Variants in MMS22L observed in about 807,000 individuals in gnomAD.
MMS22L encodes protein MMS22-like.
Under a neutral mutation model 159.1 loss-of-function variants are expected in MMS22L, and 74 were observed. The observed-to-expected ratio is 0.47, with a 90% CI of 0.39 to 0.56. MMS22L has a LOEUF of 0.56. Ranked by LOEUF, MMS22L falls within the 20% of genes least tolerant of loss-of-function variation. MMS22L has a pLI of 0.00. For synonymous variants in MMS22L, 517 were observed against 506.9 expected (o/e 1.02, Z -0.27); for missense variants, 1,351 against 1,422.1 (o/e 0.95, Z 0.80).
chr6:97,161,843 T>C (rs935697338), intron 22 of MMS22L, among the ~76,000 whole-genome samples, 159 bp downstream of exon 22: 3 of 151,956 alleles, frequency 2.0e-5, no homozygotes, highest in Non-Finnish European at 2.9e-5. Context: ...TCATACCTAA[T>C]CTGAGCTGCT....
At chr6:97,152,612 TAAA>T (rs1478397772) in intron 22 of MMS22L, among the ~76,000 whole-genome samples, 1 of 152,240 alleles carries the variant, frequency 6.6e-6, no homozygotes, top group Admixed American at 6.5e-5. Flanking sequence ...ACTGTAACCC[TAAA>T]TTATAGCAGG....
At chr6:97,186,863 T>C (rs1805298259) in intron 14 of MMS22L, among the ~76,000 whole-genome samples, 173 bp from the exon 15 acceptor site, 1 of 152,200 alleles carries the variant, frequency 6.6e-6, no homozygotes, top group South Asian at 2.1e-4. Context: ...AATGATGGCA[T>C]ATTAAGCATC....
chr6:97,234,722 G>A (rs1263361947), intron 11 of MMS22L, among the ~76,000 whole-genome samples: 1 of 152,190 alleles, frequency 6.6e-6, no homozygotes, highest in African/African-American at 2.4e-5. Context: ...AGTAACTGCT[G>A]TGAAAATGAA....
At chr6:97,232,816 C>T (rs896307224) in intron 12 of MMS22L, among the ~76,000 whole-genome samples, 7 of 152,042 alleles carry the variant, frequency 4.6e-5, no homozygotes, top group African/African-American at 1.7e-4. Flanking sequence ...GTAAATCTTC[C>T]ATTACCATTT....
At chr6:97,165,636 G>GCAAT (rs1802891493) in intron 20 of MMS22L, among the ~76,000 whole-genome samples, 179 bp from the exon 21 acceptor site, 1 of 152,062 alleles carries the variant, frequency 6.6e-6, no homozygotes, top group Admixed American at 6.6e-5. Context: ...TTAAGCCTGG[G>GCAAT]CAATACATAT....
chr6:97,180,763 C>T (rs558993590), intron 16 of MMS22L, among the ~76,000 whole-genome samples: 41 of 152,202 alleles, frequency 2.7e-4, no homozygotes, highest in Admixed American at 2.7e-3. Flanking sequence ...TTAAAGAATT[C>T]CCAAACTGGA....
chr6:97,243,759 A>C (rs1317707018), intron 11 of MMS22L, among the ~76,000 whole-genome samples: 1 of 152,090 alleles, frequency 6.6e-6, no homozygotes, highest in African/African-American at 2.4e-5. Context: ...GTTCTTTTGT[A>C]CTGCAGGGTG....
intron 14 of MMS22L, among the ~76,000 whole-genome samples, chr6:97,197,080 C>A (rs189552257): frequency 1.3e-5 from 2 of 152,036 alleles, no homozygotes; most frequent in African/African-American, 2.4e-5. Flanking sequence ...AAAATTTTCA[C>A]GCTGGATGTT....
Position 97,272,881 on chromosome 6 carries a change from C to T in MMS22L, c.429G>A (p.Arg143=), listed in dbSNP as rs747831196. Reference sequence around the variant, plus strand: ...TCTCAGCATTCTGTACTTTCAGATACCTAAAAAATAATTAGATAAAATAAA... The same window carrying T: ...TCTCAGCATTCTGTACTTTCAGATATCTAAAAAATAATTAGATAAAATAAA... The part of the protein sequence containing the change: ...FLHYVKVFIF[R]YLKVQNAESH... The change falls in exon 6 of 25, where the codon AGG becomes AGA. Residue 143 remains arginine (R), a splice_region_variant and synonymous_variant. Transcript: ENST00000683635. 2 of 1,608,942 alleles carry T rather than the reference C, an allele frequency of 1.2e-6. No individual in the cohort carries two copies. The highest frequency in any genetic ancestry group is 8.5e-7 in the Non-Finnish European group (1 of 1,178,744).
chr6:97,212,222 T>G (rs906944052), intron 14 of MMS22L, among the ~76,000 whole-genome samples: 1 of 152,226 alleles, frequency 6.6e-6, no homozygotes, highest in Non-Finnish European at 1.5e-5. Context: ...TGGCAGGTAC[T>G]TGATGGGCAC....
At chr6:97,217,930 A>C (rs1403934717) in intron 14 of MMS22L, among the ~76,000 whole-genome samples, 1 of 151,820 alleles carries the variant, frequency 6.6e-6, no homozygotes, top group Non-Finnish European at 1.5e-5. Context: ...CCTTCCTTCC[A>C]CTCTAATCCC....
At chr6:97,160,604 A>G (rs1175598147) in intron 22 of MMS22L, among the ~76,000 whole-genome samples, 1 of 151,972 alleles carries the variant, frequency 6.6e-6, no homozygotes, top group African/African-American at 2.4e-5. Context: ...CATTTACCTT[A>G]CCTGGAGTTA....
Position 97,270,001 on chromosome 6 carries a change from G to T in MMS22L, c.607-9C>A. 6.2e-7 allele frequency: 1 copy of T among 1,601,266 alleles called. No homozygotes were observed. The highest frequency in any genetic ancestry group is 1.1e-5 in the South Asian group (1 of 89,934). On this transcript the variant is annotated splice_polypyrimidine_tract_variant and intron_variant, in intron 6 of 24. Coordinates refer to ENST00000683635, the MANE Select transcript of MMS22L (RefSeq NM_001350599.2). Reference sequence around the variant, plus strand: ...CATGACGGTGGAAAAAGCTGTGGATGACATTATCAACTGTGATTGAGAATT... The same window carrying T: ...CATGACGGTGGAAAAAGCTGTGGATTACATTATCAACTGTGATTGAGAATT...
intron 14 of MMS22L, among the ~76,000 whole-genome samples, chr6:97,189,160 G>A (rs1805579696): frequency 1.3e-5 from 2 of 151,456 alleles, no homozygotes. Context: ...GCCAACAAAT[G>A]TGAACCACCT....
intron 9 of MMS22L, among the ~76,000 whole-genome samples, chr6:97,256,748 C>G (rs948736531): frequency 1.3e-5 from 2 of 151,964 alleles, no homozygotes; most frequent in African/African-American, 4.8e-5. Context: ...GTCAGGTGTT[C>G]GAGACCAACC....
At position 97,273,025 on chromosome 6, in the gene MMS22L, A is replaced by G; in HGVS notation, c.378T>C (p.Ile126=). 1 of 1,612,954 alleles carries G rather than the reference A, an allele frequency of 6.2e-7. No individual in the cohort carries two copies. The highest frequency in any genetic ancestry group is 1.1e-5 in the South Asian group (1 of 90,754). ...GGAGAAATAGTACACACTGCTGCCTAATATTGTCTGCTTTGCAGTGTAGAG... is the reference window on the plus strand; with the variant it reads ...GGAGAAATAGTACACACTGCTGCCTGATATTGTCTGCTTTGCAGTGTAGAG... ...VSTLHCKADN[I]RQQCVLFLHY... is the part of the protein sequence containing the mutation. Residue 126 remains isoleucine (I), a synonymous_variant, in exon 5 of 25, where the codon ATT becomes ATC. Transcript: ENST00000683635.
At chr6:97,169,653 C>T (rs1446431185) in intron 19 of MMS22L, among the ~76,000 whole-genome samples, 1 of 152,170 alleles carries the variant, frequency 6.6e-6, no homozygotes, top group Non-Finnish European at 1.5e-5. Context: ...AAACAATGTT[C>T]ACTTAGCAAA....
At chr6:97,280,660 G>T (rs1816682405) in intron 3 of MMS22L, among the ~76,000 whole-genome samples, 1 of 152,090 alleles carries the variant, frequency 6.6e-6, no homozygotes, top group East Asian at 1.9e-4. Flanking sequence ...AATTCATACT[G>T]AAGTATTTAT....
At chr6:97,184,517 T>C (rs968410658) in intron 15 of MMS22L, among the ~76,000 whole-genome samples, 3 of 152,120 alleles carry the variant, frequency 2.0e-5, no homozygotes, top group African/African-American at 7.2e-5. Context: ...CCAAAAATGT[T>C]AATCTTCCCT....
Sources: gnomAD v4.1 joint callset for allele counts (sites outside exome capture counted in the v4.1 genomes callset) on GRCh38, gnomAD v4.1.1 for gene constraint, MANE v1.5 for transcripts, NCBI Gene and HGNC (gene_info 2026-07-23, HGNC 2026-07-21) for gene names.